The following TLL1 variants were observed in gnomAD, a reference collection of about 807,000 sequenced individuals.
The protein encoded by TLL1 is tolloid like 1.
TLL1 carries 49 observed loss-of-function variants against 128.2 expected under a neutral mutation model. The ratio of observed to expected loss-of-function variants is 0.38; its 90% CI spans 0.30 to 0.48. TLL1 has a LOEUF of 0.48. Among genes scored for constraint, TLL1 ranks in the 20% least tolerant of loss-of-function variants. TLL1 has a pLI of 0.96. For missense variants in TLL1, 1,123 were observed against 1,242.0 expected, an observed-to-expected ratio of 0.90 and a Z score of 1.44; for synonymous variants, 454 against 418.8, an observed-to-expected ratio of 1.08 and a Z score of -1.03.
chr4:166,074,224 C>CAGAGT (rs1740916750), intron 16 of TLL1, among the ~76,000 whole-genome samples: 1 of 151,748 alleles, frequency 6.6e-6, no homozygotes, highest in Non-Finnish European at 1.5e-5. Context: ...ACTTGTCTAC[C>CAGAGT]AGAGTAGATT....
At chr4:166,036,818 T>G (rs1739025843) in intron 9 of TLL1, among the ~76,000 whole-genome samples, 1 of 151,960 alleles carries the variant, frequency 6.6e-6, no homozygotes, top group Admixed American at 6.6e-5. Flanking sequence ...TGTGTGTGTG[T>G]GTGTGTGTGT....
chr4:165,999,149 C>T (rs1374177705), intron 5 of TLL1, among the ~76,000 whole-genome samples: 2 of 152,098 alleles, frequency 1.3e-5, no homozygotes, highest in Non-Finnish European at 2.9e-5. Flanking sequence ...CTTCTGATCC[C>T]TCCAAACTGT....
At chr4:165,956,127 A>G (rs954431556) in intron 1 of TLL1, among the ~76,000 whole-genome samples, 3 of 146,984 alleles carry the variant, frequency 2.0e-5, no homozygotes, top group Admixed American at 1.3e-4. Flanking sequence ...ACAAATGGCA[A>G]AAGCAGAACT....
At chr4:166,047,096 T>A (rs1739489529) in intron 12 of TLL1, among the ~76,000 whole-genome samples, 1 of 152,206 alleles carries the variant, frequency 6.6e-6, no homozygotes, top group Admixed American at 6.5e-5. Flanking sequence ...TTTTACCTGA[T>A]AAAGTACAGT....
intron 16 of TLL1, among the ~76,000 whole-genome samples, chr4:166,070,467 C>T (rs924258623): frequency 5.9e-5 from 9 of 151,880 alleles, no homozygotes; most frequent in African/African-American, 1.4e-4. Flanking sequence ...TTATAGGCAA[C>T]CCTGTATTAA....
At chr4:166,085,726 G>A (rs983017605) in intron 18 of TLL1, among the ~76,000 whole-genome samples, 8 of 151,992 alleles carry the variant, frequency 5.3e-5, no homozygotes, top group African/African-American at 1.9e-4. Flanking sequence ...AGTGATACTG[G>A]TCTTCAGGTT....
chr4:166,084,012 C>G (rs989151367), intron 18 of TLL1, among the ~76,000 whole-genome samples: 2 of 152,048 alleles, frequency 1.3e-5, no homozygotes, highest in African/African-American at 4.8e-5. Flanking sequence ...CAACAGTATG[C>G]AAGGATTCCC....
intron 12 of TLL1, among the ~76,000 whole-genome samples, chr4:166,045,602 G>A (rs909974706): frequency 2.6e-5 from 4 of 152,028 alleles, no homozygotes; most frequent in East Asian, 3.9e-4. Context: ...TACAATGTAC[G>A]TTAGATTATG....
At chr4:165,984,748 G>A (rs998960047) in intron 1 of TLL1, among the ~76,000 whole-genome samples, 1 of 151,880 alleles carries the variant, frequency 6.6e-6, no homozygotes, top group Admixed American at 6.6e-5. Flanking sequence ...TAAGTGTGGT[G>A]TTTGGAGAAA....
At chr4:166,043,143 C>G in intron 11 of TLL1, 131 bp from the exon 12 acceptor site, 1 of 1,241,254 alleles carries the variant, frequency 8.1e-7, no homozygotes, top group Non-Finnish European at 1.2e-6. Flanking sequence ...AACCAGTCAA[C>G]TTTGATTTTT....
At chr4:166,065,660 C>T in intron 15 of TLL1, 23 bp from the exon 16 acceptor site, 1 of 1,611,990 alleles carries the variant, frequency 6.2e-7, no homozygotes, top group South Asian at 1.1e-5. Context: ...AATCTGGCAA[C>T]TGATAACCAC....
chr4:166,010,229 G>A (rs1579619236), intron 7 of TLL1, among the ~76,000 whole-genome samples: 1 of 151,390 alleles, frequency 6.6e-6, no homozygotes, highest in East Asian at 1.9e-4. Context: ...CCATCAGTGA[G>A]CATTTGTGTA....
chr4:165,928,991 A>C (rs938687251), intron 1 of TLL1, among the ~76,000 whole-genome samples: 5 of 152,184 alleles, frequency 3.3e-5, no homozygotes, highest in African/African-American at 4.8e-5. Context: ...TGCTGATTTA[A>C]TTCACAAACT....
At chr4:166,055,306 T>C (rs1477273627) in intron 13 of TLL1, 35 bp downstream of exon 13, 2 of 1,579,758 alleles carry the variant, frequency 1.3e-6, no homozygotes, top group East Asian at 2.2e-5. Flanking sequence ...TGAGATTTTC[T>C]TTATCAAGGA....
At chr4:165,897,662 C>CTT (rs951819686) in intron 1 of TLL1, among the ~76,000 whole-genome samples, 2,381 of 47,430 alleles carry the variant, frequency 0.05, 267 homozygotes, top group African/African-American at 0.1. Context: ...GGTAGTCCAG[C>CTT]TTTTTTTTTT....
intron 8 of TLL1, among the ~76,000 whole-genome samples, chr4:166,022,472 C>T (rs772635036): frequency 2.6e-5 from 4 of 152,038 alleles, no homozygotes; most frequent in African/African-American, 7.2e-5. Flanking sequence ...CCACTGTGCC[C>T]GGCCAAGTTT....
At chr4:165,887,664 T>C (rs1479341260) in intron 1 of TLL1, among the ~76,000 whole-genome samples, 3 of 152,184 alleles carry the variant, frequency 2.0e-5, no homozygotes, top group Non-Finnish European at 4.4e-5. Flanking sequence ...TTGGACTTTG[T>C]ATGCCATATT....
chr4:165,937,640 G>GT (rs1298781250), intron 1 of TLL1, among the ~76,000 whole-genome samples: 1 of 151,962 alleles, frequency 6.6e-6, no homozygotes, highest in Non-Finnish European at 1.5e-5. Flanking sequence ...TCATTTTGAT[G>GT]TTTTTTATGC....
At chr4:166,031,305 A>G (rs977766836) in intron 9 of TLL1, among the ~76,000 whole-genome samples, 2 of 152,010 alleles carry the variant, frequency 1.3e-5, no homozygotes, top group Non-Finnish European at 2.9e-5. Context: ...TGTTATATAA[A>G]TAAGTTAAAT....
Sources: allele counts gnomAD v4.1 joint callset (sites outside exome capture counted in the v4.1 genomes callset), GRCh38; gene constraint gnomAD v4.1.1; transcripts MANE v1.5; gene names NCBI Gene and HGNC (gene_info 2026-07-23, HGNC 2026-07-21).